ZNF722: variants seen among roughly 807,000 people sequenced by gnomAD.
The protein encoded by ZNF722 is zinc finger protein 722, also known as zinc finger protein 479 pseudogene.
chr7:64,015,570 T>C, the ZNF722 span: 1 of 1,613,678 alleles, frequency 6.2e-7, no homozygotes, highest in Non-Finnish European at 8.5e-7. Flanking sequence ...AGAGAAACCC[T>C]ACACATGTGA....
At chr7:64,006,772 A>G in the ZNF722 span, among the ~76,000 whole-genome samples, 1 of 151,950 alleles carries the variant, frequency 6.6e-6, no homozygotes, top group Non-Finnish European at 1.5e-5. Flanking sequence ...TTATTACTAT[A>G]GCCTTGAAAT....
At chr7:64,004,428 ATAT>A in the ZNF722 span, among the ~76,000 whole-genome samples, 1,245 of 64,192 alleles carry the variant, frequency 0.019, 87 homozygotes, top group East Asian at 0.19. Context: ...AAAAAAAAAT[ATAT>A]ATATATATAT....
chr7:64,000,202 C>G, the ZNF722 span, among the ~76,000 whole-genome samples: 1 of 150,460 alleles, frequency 6.6e-6, no homozygotes, highest in East Asian at 2.0e-4. Flanking sequence ...GTGATCTTGG[C>G]TCACTGCAAC....
chr7:64,017,000 A>G, the ZNF722 span, among the ~76,000 whole-genome samples: 5 of 152,232 alleles, frequency 3.3e-5, no homozygotes, highest in African/African-American at 1.2e-4. Flanking sequence ...GAAAGCATTT[A>G]TACTAGAGAA....
the ZNF722 span, among the ~76,000 whole-genome samples, chr7:64,014,773 ACTTTT>A: frequency 9.9e-5 from 15 of 152,122 alleles, no homozygotes; most frequent in African/African-American, 2.4e-4. Flanking sequence ...AATGTAGCAG[ACTTTT>A]CTTTTCTTTC....
the ZNF722 span, among the ~76,000 whole-genome samples, chr7:64,016,701 A>T: frequency 1.3e-5 from 2 of 152,184 alleles, no homozygotes; most frequent in Non-Finnish European, 2.9e-5. Context: ...GTAGAAAAAA[A>T]TGTGGCAAAG....
chr7:64,004,099 T>C, the ZNF722 span, among the ~76,000 whole-genome samples: 13 of 151,910 alleles, frequency 8.6e-5, no homozygotes, highest in African/African-American at 3.1e-4. Context: ...AAACTGATGG[T>C]TTCTTTATAA....
the ZNF722 span, among the ~76,000 whole-genome samples, chr7:64,001,011 A>G: frequency 6.6e-6 from 1 of 152,092 alleles, no homozygotes; most frequent in African/African-American, 2.4e-5. Context: ...TTTTGGCCTC[A>G]GGTGATCTGC....
chr7:64,011,571 G>T, the ZNF722 span, among the ~76,000 whole-genome samples: 1 of 152,116 alleles, frequency 6.6e-6, no homozygotes. Context: ...ATGTTGAATA[G>T]TGGCCCCCAC....
the ZNF722 span, among the ~76,000 whole-genome samples, chr7:64,018,023 A>G: frequency 6.6e-6 from 1 of 152,326 alleles, no homozygotes; most frequent in East Asian, 1.9e-4. Context: ...TTATGTAATA[A>G]AATGCAATAA....
chr7:64,011,344 C>T, the ZNF722 span, among the ~76,000 whole-genome samples: 1 of 152,108 alleles, frequency 6.6e-6, no homozygotes, highest in Non-Finnish European at 1.5e-5. Context: ...TTCTTAGCAT[C>T]GATGATCTTT....
chr7:64,003,759 G>A, the ZNF722 span, among the ~76,000 whole-genome samples: 3 of 152,118 alleles, frequency 2.0e-5, no homozygotes, highest in East Asian at 1.9e-4. Context: ...ACAAATTTAT[G>A]ACCTGCAATA....
At chr7:64,004,439 T>A in the ZNF722 span, among the ~76,000 whole-genome samples, 1,388 of 129,514 alleles carry the variant, frequency 0.011, 102 homozygotes, top group East Asian at 0.13. Flanking sequence ...TATATATATA[T>A]ATATATATAT....
chr7:64,005,490 A>C, the ZNF722 span: 1 of 596,930 alleles, frequency 1.7e-6, no homozygotes, highest in Non-Finnish European at 3.0e-6. Context: ...AGTCAGTCTT[A>C]TAAGTGAGAA....
chr7:64,016,673 G>C, the ZNF722 span, among the ~76,000 whole-genome samples: 1 of 152,010 alleles, frequency 6.6e-6, no homozygotes, highest in South Asian at 2.1e-4. Flanking sequence ...ATTGATATTG[G>C]AGAGAACCCC....
chr7:64,009,844 A>G, the ZNF722 span, among the ~76,000 whole-genome samples: 3,005 of 152,316 alleles, frequency 0.02, 61 homozygotes, highest in Non-Finnish European at 0.022. Flanking sequence ...TACCTCTGGT[A>G]GAATTCGGCT....
chr7:64,002,227 T>C, the ZNF722 span, among the ~76,000 whole-genome samples: 5 of 152,202 alleles, frequency 3.3e-5, no homozygotes, highest in East Asian at 3.8e-4. Context: ...GCTCTGATTT[T>C]GGTTATTTTT....
At chr7:64,015,283 A>G in the ZNF722 span, 2 of 1,246,676 alleles carry the variant, frequency 1.6e-6, no homozygotes, top group Non-Finnish European at 2.4e-6. Flanking sequence ...TCAAATTGCA[A>G]TAGACATGAA....
chr7:64,005,771 T>C, the ZNF722 span: 97 of 1,476,916 alleles, frequency 6.6e-5, no homozygotes, highest in Non-Finnish European at 7.6e-5. Context: ...ATTCCTAATA[T>C]ATTGCCTTTC....
Sources: allele counts gnomAD v4.1 joint callset (sites outside exome capture counted in the v4.1 genomes callset), GRCh38; gene constraint gnomAD v4.1.1; transcripts MANE v1.5; gene names NCBI Gene and HGNC (gene_info 2026-07-23, HGNC 2026-07-21).